The following ZNF407 variants were observed in gnomAD, a reference collection of about 807,000 sequenced individuals.
ZNF407 encodes zinc finger protein 407.
ZNF407 carries 17 observed loss-of-function variants against 131.2 expected under a neutral mutation model. The ratio of observed to expected loss-of-function variants is 0.13; its 90% confidence interval spans 0.09 to 0.19. The LOEUF (loss-of-function observed/expected upper bound fraction) is 0.19, where lower values mean the gene tolerates loss of function less well. Among genes scored for constraint, ZNF407 ranks in the 10% least tolerant of loss-of-function variants. The probability of loss-of-function intolerance (pLI) is 1.00; values close to 1 mark genes in which losing one functional copy is unlikely to be tolerated. For synonymous variants in ZNF407, 1,156 were observed against 1,062.0 expected, an observed-to-expected ratio of 1.09 and a Z score of -1.72; for missense variants, 2,681 against 2,830.6, an observed-to-expected ratio of 0.95 and a Z score of 1.20.
At chr18:74,681,648 CAT>C (rs1482862583) in intron 3 of ZNF407, among the ~76,000 whole-genome samples, 2 of 152,168 alleles carry the variant, frequency 1.3e-5, no homozygotes, top group African/African-American at 2.4e-5. Flanking sequence ...CCTGAGGAAA[CAT>C]ATGTATGGCA....
intron 1 of ZNF407, among the ~76,000 whole-genome samples, chr18:74,610,157 T>G (rs192077135): frequency 1.0e-3 from 159 of 152,318 alleles, no homozygotes; most frequent in Admixed American, 2.2e-3. Flanking sequence ...TCATAAATAT[T>G]TGATGAATAA....
chr18:74,679,522 T>C (rs2144773581), intron 3 of ZNF407, among the ~76,000 whole-genome samples: 1 of 152,332 alleles, frequency 6.6e-6, no homozygotes. Context: ...TGAAAAATAA[T>C]TGAAAGGTTT....
chr18:75,018,318 G>GA (rs751914435), intron 8 of ZNF407, among the ~76,000 whole-genome samples: 5 of 151,514 alleles, frequency 3.3e-5, no homozygotes, highest in Non-Finnish European at 5.9e-5. Flanking sequence ...AATAGGAGGA[G>GA]AAAAAAGTAA....
At chr18:74,719,005 A>T (rs925096407) in intron 3 of ZNF407, among the ~76,000 whole-genome samples, 1 of 152,140 alleles carries the variant, frequency 6.6e-6, no homozygotes, top group African/African-American at 2.4e-5. Flanking sequence ...AGTATTTTTT[A>T]ATTAAAAACT....
At chr18:74,868,141 A>G (rs1386924124) in intron 4 of ZNF407, among the ~76,000 whole-genome samples, 1 of 152,228 alleles carries the variant, frequency 6.6e-6, no homozygotes, top group Non-Finnish European at 1.5e-5. Context: ...TGCAAAGGAA[A>G]CAGAGGTTCT....
chr18:74,675,882 A>G (rs1484320501), intron 3 of ZNF407, among the ~76,000 whole-genome samples: 2 of 152,192 alleles, frequency 1.3e-5, no homozygotes, highest in African/African-American at 4.8e-5. Flanking sequence ...TTTCAAACCT[A>G]TAGACGTTTA....
intron 4 of ZNF407, among the ~76,000 whole-genome samples, chr18:74,824,311 G>A (rs1345787813): frequency 6.6e-6 from 1 of 152,062 alleles, no homozygotes; most frequent in Non-Finnish European, 1.5e-5. Context: ...AACTAAGGAA[G>A]CAAGAGCAAA....
chr18:74,647,076 A>G (rs1267221503), intron 3 of ZNF407, among the ~76,000 whole-genome samples: 1 of 152,106 alleles, frequency 6.6e-6, no homozygotes, highest in Non-Finnish European at 1.5e-5. Flanking sequence ...TGAAACAATC[A>G]TGTTCTAGTG....
At chr18:74,825,341 T>G (rs1318118430) in intron 4 of ZNF407, among the ~76,000 whole-genome samples, 3 of 152,044 alleles carry the variant, frequency 2.0e-5, no homozygotes, top group Non-Finnish European at 4.4e-5. Flanking sequence ...GTTCTGGCCA[T>G]GGCAATCAGG....
rs1568133839 is a variant in ZNF407, at chr18:74,633,131, G to T, written c.2112G>T (p.Gln704His). The T allele has an allele frequency of 6.2e-7, 1 of 1,613,264 alleles. No homozygotes were observed. The highest frequency in any genetic ancestry group is 8.5e-7 in the Non-Finnish European group (1 of 1,179,720). ...GNEVRHSSKPQFQCKKCFYKT... is the reference protein window; with the variant it reads ...GNEVRHSSKPHFQCKKCFYKT... ...AAGTGAGGCATTCCAGTAAGCCTCA[G>T]TTTCAGTGTAAGAAGTGTTTTTATA... Residue 704 changes from glutamine (Q) to histidine (H), a missense_variant, in exon 2 of 9, where the codon CAG (glutamine) becomes CAT (histidine). By Grantham distance (24) the Gln-to-His change is conservative. Coordinates refer to ENST00000299687, the MANE Select transcript of ZNF407 (RefSeq NM_017757.3).
intron 3 of ZNF407, among the ~76,000 whole-genome samples, chr18:74,675,773 C>A (rs1986330875): frequency 6.6e-6 from 1 of 152,142 alleles, no homozygotes; most frequent in Non-Finnish European, 1.5e-5. Context: ...GGTACTTTTA[C>A]CCTCTTTCCG....
At chr18:75,010,439 C>T (rs1972960341) in intron 8 of ZNF407, among the ~76,000 whole-genome samples, 1 of 152,164 alleles carries the variant, frequency 6.6e-6, no homozygotes, top group Admixed American at 6.5e-5. Flanking sequence ...AAAACAGCAA[C>T]AGTCATGTGT....
At chr18:75,037,745 C>T (rs12327123) in intron 8 of ZNF407, among the ~76,000 whole-genome samples, 2 of 152,000 alleles carry the variant, frequency 1.3e-5, no homozygotes, top group East Asian at 1.9e-4. Flanking sequence ...TGAAAGACTG[C>T]GATCTGTGCC....
chr18:75,034,334 C>T lies in ZNF407; in HGVS notation c.5429-28816C>T, dbSNP rs1406738710. Among the ~76,000 whole-genome samples, 56 of 102,910 alleles carry T rather than the reference C, an allele frequency of 5.4e-4. 1 individual carries two copies. Among genetic ancestry groups the T allele is most frequent in the African/African-American group, 1.7e-3 (45 of 26,472 alleles). 67.5% of individuals were successfully genotyped at this position (102,910 alleles called of 152,430 possible). A position where few individuals can be genotyped will look rare whatever the true frequency, so the allele number is the denominator to read the frequency against. Reference sequence around the variant, plus strand: ...TTTTTTTTTTTTTGAGACGTAGTTTCGCTCTGTCGCCCAGGCTGGAGTGCA... The same window carrying T: ...TTTTTTTTTTTTTGAGACGTAGTTTTGCTCTGTCGCCCAGGCTGGAGTGCA... On this transcript the variant is annotated intron_variant, in intron 8 of 8. Transcript: ENST00000299687.
In ZNF407 at chr18:74,779,105, A is replaced by ATTTT. The variant is rs1969539621; in HGVS notation, c.4803-2322_4803-2321insTTTT. Among the ~76,000 whole-genome samples the ATTTT allele has an allele frequency of 4.8e-4, 12 of 24,862 alleles. No homozygotes were observed. In the Admixed American group the frequency reaches 5.0e-3, roughly 10 times the overall value. 16.3% of individuals were successfully genotyped at this position (24,862 alleles called of 152,430 possible). A position where few individuals can be genotyped will look rare whatever the true frequency, so the allele number is the denominator to read the frequency against. On this transcript the variant is annotated intron_variant, in intron 3 of 8. Coordinates refer to ENST00000299687, the MANE Select transcript of ZNF407 (RefSeq NM_017757.3). ...ATGCTTGGCATATATATATATATAT[A>ATTTT]TATATTTTTTTTTTTTTTTTTTTTT... is the stretch of plus-strand genomic sequence containing the variant.
At chr18:74,800,693 AT>A (rs1970005021) in intron 4 of ZNF407, among the ~76,000 whole-genome samples, 1 of 152,184 alleles carries the variant, frequency 6.6e-6, no homozygotes, top group African/African-American at 2.4e-5. Context: ...GGAAGCATAT[AT>A]AAACTCAGTT....
chr18:75,060,370 C>A (rs928319738), intron 8 of ZNF407: 9 of 152,272 alleles, frequency 5.9e-5, no homozygotes, highest in Non-Finnish European at 1.3e-4. Context: ...GCCTGGCTCC[C>A]CCCTGCGGTT....
intron 4 of ZNF407, among the ~76,000 whole-genome samples, chr18:74,824,957 C>T (rs1389587139): frequency 6.6e-6 from 1 of 152,178 alleles, no homozygotes; most frequent in East Asian, 1.9e-4. Flanking sequence ...ATGGGAACAT[C>T]CTCAAGAAAA....
intron 3 of ZNF407, among the ~76,000 whole-genome samples, chr18:74,704,660 A>C (rs548350988): frequency 6.6e-6 from 1 of 152,254 alleles, no homozygotes; most frequent in Admixed American, 6.5e-5. Flanking sequence ...CATAAATGAC[A>C]TCTTGATGGG....
Sources: allele counts gnomAD v4.1 joint callset (sites outside exome capture counted in the v4.1 genomes callset), GRCh38; gene constraint gnomAD v4.1.1; transcripts MANE v1.5; gene names NCBI Gene and HGNC (gene_info 2026-07-23, HGNC 2026-07-21).